The following PALM variants were observed in gnomAD, a reference collection of about 807,000 sequenced individuals.
PALM encodes the protein paralemmin-1.
In PALM, 18 loss-of-function variants were observed where a neutral mutation model predicts 30.7. That is an observed-to-expected ratio of 0.59 (90% CI 0.41 to 0.87). The LOEUF is 0.87. Among genes scored for constraint, PALM ranks in the 40% least tolerant of loss-of-function variants. PALM has a pLI of 0.00. For synonymous variants in PALM, 286 were observed against 242.8 expected, an observed-to-expected ratio of 1.18 and a Z score of -1.66; for missense variants, 529 against 555.4, an observed-to-expected ratio of 0.95 and a Z score of 0.48.
At chr19:737,364 G>A (rs2033053613) in intron 7 of PALM, among the ~76,000 whole-genome samples, 1 of 152,232 alleles carries the variant, frequency 6.6e-6, no homozygotes, top group African/African-American at 2.4e-5. Context: ...TGTCTGGGGT[G>A]GAGGGCTGAG....
Position 747,126 on chromosome 19 carries a change from G to T in PALM, c.*312G>T. On this transcript the variant is annotated 3_prime_UTR_variant, in exon 9 of 9. Transcript: ENST00000338448. ...TTCACAGACGCGGCTCGCGCCCACC[G>T]GGGTCCTGGCGGGTGGGACCCGCAG... 3.2e-6 allele frequency: 1 copy of T among 314,106 alleles called. No homozygotes were observed. Among genetic ancestry groups the T allele is most frequent in the East Asian group, 7.1e-5 (1 of 14,014 alleles). The allele number at this position is 314,106 out of a possible 1,614,324, so 19.5% of individuals were successfully genotyped here.
chr19:719,295 C>A, intron 1 of PALM: 1 of 985,368 alleles, frequency 1.0e-6, no homozygotes. Context: ...ACCAACGCCC[C>A]GCACCGCGGA....
At chr19:743,277 C>T (rs558740086) in intron 8 of PALM, among the ~76,000 whole-genome samples, 15 of 152,188 alleles carry the variant, frequency 9.9e-5, no homozygotes, top group African/African-American at 1.7e-4. Context: ...CCCCATGCCT[C>T]GTCTTCCGGA....
At position 740,486 on chromosome 19, in the gene PALM, A is replaced by G. The variant is rs376874584; in HGVS notation, c.634+3A>G. 8 of 1,549,850 alleles carry G rather than the reference A, an allele frequency of 5.2e-6. No individual in the cohort carries two copies. Among genetic ancestry groups the G allele is most frequent in the Non-Finnish European group, 8.7e-7 (1 of 1,146,108 alleles). On this transcript the variant is annotated splice_donor_region_variant and intron_variant, in intron 8 of 8. Transcript: ENST00000338448. The stretch of plus-strand genomic sequence containing the variant: ...AGTCTACGAGGACGAGACCAAAGGT[A>G]CGAGCACCCCGGCCCCTGCCCTCCC...
intron 1 of PALM, among the ~76,000 whole-genome samples, chr19:721,205 G>T (rs1344755380): frequency 6.6e-6 from 1 of 152,154 alleles, no homozygotes; most frequent in African/African-American, 2.4e-5. Flanking sequence ...TTCCTCTAAG[G>T]GCTGATGGGA....
chr19:719,195 T>A, intron 1 of PALM: 1 of 985,346 alleles, frequency 1.0e-6, no homozygotes, highest in Non-Finnish European at 1.2e-6. Context: ...GACGCCCCCA[T>A]CCCACACACG....
chr19:740,458 C>G lies in PALM; in HGVS notation c.609C>G (p.Ile203Met), dbSNP rs756964356. 43 of 1,552,222 alleles carry G rather than the reference C, an allele frequency of 2.8e-5. No homozygotes were observed. The highest frequency in any genetic ancestry group is 8.7e-7 in the Non-Finnish European group (1 of 1,147,470). The change falls in exon 8 of 9, where the codon ATC becomes ATG. Residue 203 changes from isoleucine (I) to methionine (M), a missense_variant. By Grantham distance (10) the Ile-to-Met change is conservative. Coordinates refer to ENST00000338448, the MANE Select transcript of PALM (RefSeq NM_002579.3). ...CTCGGCAGCCGCTCCCTCTGGGCAT[C>G]AAAGTCTACGAGGACGAGACCAAAG... ...LLPRQPLPLG[I>M]KVYEDETKVV...
In PALM at chr19:742,143, C is replaced by CA. The variant is rs1326803404; in HGVS notation, c.634+1662dup. ...CTGCACTCCAGCCTGGGCCACAGAC[C>CA]AAGACCCTGTCTCAAAAACAAGAAA... On this transcript the variant is annotated intron_variant, in intron 8 of 8. Transcript: ENST00000338448. This position sits in a 1 kb window ranked among gnomAD's most constrained non-coding sequence, Gnocchi z 5.5. Among the ~76,000 whole-genome samples, 1 of 152,000 alleles carries CA rather than the reference C, an allele frequency of 6.6e-6. No individual in the cohort carries two copies. Among genetic ancestry groups the CA allele is most frequent in the Non-Finnish European group, 1.5e-5 (1 of 68,012 alleles).
In PALM at chr19:709,119, G is replaced by A. The variant is rs1355534922; in HGVS notation, c.-28G>A. On this transcript the variant is annotated 5_prime_UTR_variant, in exon 1 of 9. Coordinates refer to ENST00000338448, the MANE Select transcript of PALM (RefSeq NM_002579.3). The surrounding 1 kb of genome is among the most constrained non-coding windows in gnomAD (Gnocchi z 4.3). ...CCCGCGCCCGCCCCCGCCCGGCACC[G>A]CGGACCCACCCGGACCTCGGCGGGG... 4 of 286,504 alleles carry A rather than the reference G, an allele frequency of 1.4e-5. No homozygotes were observed. The highest frequency in any genetic ancestry group is 1.5e-4 in the South Asian group (1 of 6,704). 17.7% of individuals were successfully genotyped at this position (286,504 alleles called of 1,614,324 possible). A position where few individuals can be genotyped will look rare whatever the true frequency, so the allele number is the denominator to read the frequency against.
At chr19:723,517 G>A (rs972644819) in intron 1 of PALM, among the ~76,000 whole-genome samples, 1 of 152,168 alleles carries the variant, frequency 6.6e-6, no homozygotes, top group Non-Finnish European at 1.5e-5. Flanking sequence ...GGAAGCCTGA[G>A]GGTCGCTGGG....
intron 2 of PALM, 46 bp from the exon 3 acceptor site, chr19:726,962 C>CCG: frequency 9.7e-7 from 1 of 1,033,636 alleles, no homozygotes; most frequent in Non-Finnish European, 1.4e-6. Context: ...GGGGGGTCTC[C>CCG]GGGACCCCCA....
At position 709,532 on chromosome 19, in the gene PALM, C is replaced by T. The variant is rs1451156656; in HGVS notation, c.5+381C>T. On this transcript the variant is annotated intron_variant, in intron 1 of 8. Transcript: ENST00000338448. The surrounding 1 kb of genome is among the most constrained non-coding windows in gnomAD (Gnocchi z 4.3). ...CCGGGGAGATGGAGCGACCCCTCCC[C>T]AGATTGCACCGGTCCGGCCTCGCGC... Among the ~76,000 whole-genome samples, 1 of 152,114 alleles carries T rather than the reference C, an allele frequency of 6.6e-6. No homozygotes were observed. The highest frequency in any genetic ancestry group is 1.5e-5 in the Non-Finnish European group (1 of 67,986).
intron 1 of PALM, chr19:719,789 C>A (rs1568220727): frequency 7.0e-6 from 2 of 287,740 alleles, no homozygotes; most frequent in Non-Finnish European, 1.0e-5. Flanking sequence ...GGAGGATGAA[C>A]GCCGGGAGAA....
At position 746,416 on chromosome 19, in the gene PALM, A is replaced by C; in HGVS notation, c.766A>C (p.Thr256Pro). ...AGGGTCCACGGCCGGGGCGGCAGAG[A>C]CCCGGGGGGCTGTGGAGGGGGCAGC... ...EAGSTAGAAE[T>P]RGAVEGAART... Residue 256 changes from threonine (T) to proline (P), a missense_variant, in exon 9 of 9, where the codon ACC becomes CCC. Transcript: ENST00000338448. This position sits in a 1 kb window ranked among gnomAD's most constrained non-coding sequence, Gnocchi z 7.1. The C allele has an allele frequency of 6.2e-7, 1 of 1,611,446 alleles. No homozygotes were observed. Among genetic ancestry groups the C allele is most frequent in the South Asian group, 1.1e-5 (1 of 90,918 alleles).
At chr19:726,090 A>T (rs766495867) in intron 1 of PALM, 48 bp from the exon 2 acceptor site, 3 of 1,452,630 alleles carry the variant, frequency 2.1e-6, no homozygotes, top group Non-Finnish European at 2.9e-6. Flanking sequence ...CGTCTGACGG[A>T]CAGCAGGGCT....
chr19:719,036 AC>A, intron 1 of PALM: 3 of 184,562 alleles, frequency 1.6e-5, no homozygotes, highest in African/African-American at 9.7e-5. Flanking sequence ...TGACTCCCCC[AC>A]CCCCCACAAT....
chr19:746,848 CCA>C lies in PALM; in HGVS notation c.*37_*38del, dbSNP rs2033363948. ...CCGAGACCCCGGCCCCCACCCCACA[CCA>C]CAGACACCCACCAGCCCGGCCCCTC... is the stretch of plus-strand genomic sequence containing the variant. On this transcript the variant is annotated 3_prime_UTR_variant, in exon 9 of 9. Coordinates refer to ENST00000338448, the MANE Select transcript of PALM (RefSeq NM_002579.3). This position sits in a 1 kb window ranked among gnomAD's most constrained non-coding sequence, Gnocchi z 7.1. 3.1e-6 allele frequency: 4 copies of C among 1,290,892 alleles called. No homozygotes were observed. Among genetic ancestry groups the C allele is most frequent in the African/African-American group, 3.0e-5 (2 of 67,170 alleles). 80.0% of individuals were successfully genotyped at this position (1,290,892 alleles called of 1,614,324 possible).
intron 1 of PALM, among the ~76,000 whole-genome samples, chr19:710,492 G>T (rs1342100125): frequency 2.0e-5 from 3 of 152,284 alleles, no homozygotes; most frequent in African/African-American, 7.2e-5. Context: ...CCAGGCCTGG[G>T]CAGGGTGTGG....
chr19:723,294 G>A (rs766709067), intron 1 of PALM, among the ~76,000 whole-genome samples: 1 of 152,108 alleles, frequency 6.6e-6, no homozygotes, highest in Non-Finnish European at 1.5e-5. Context: ...GAGAGGGCTG[G>A]GGGTGGCAGC....
Sources: gnomAD v4.1 joint callset for allele counts (sites outside exome capture counted in the v4.1 genomes callset) on GRCh38, gnomAD v4.1.1 for gene constraint, Gnocchi (gnomAD v3.1) non-coding constraint, MANE v1.5 for transcripts, NCBI Gene and HGNC (gene_info 2026-07-23, HGNC 2026-07-21) for gene names.